The following EXOC6B variants were observed in gnomAD, a reference collection of about 807,000 sequenced individuals.
The protein encoded by EXOC6B is exocyst complex component 6B, also known as SEC15 homolog B.
Under a neutral mutation model 113.5 loss-of-function variants are expected in EXOC6B, and 54 were observed. The ratio of observed to expected loss-of-function variants is 0.48; its 90% confidence interval spans 0.38 to 0.60. The LOEUF is 0.60. Among genes scored for constraint, EXOC6B ranks in the 20% least tolerant of loss-of-function variants. The probability of loss-of-function intolerance (pLI) is 0.00; values close to 1 mark genes in which losing one functional copy is unlikely to be tolerated. For synonymous variants in EXOC6B, 357 were observed against 339.0 expected, an observed-to-expected ratio of 1.05 and a Z score of -0.58; for missense variants, 797 against 977.5, an observed-to-expected ratio of 0.82 and a Z score of 2.46.
chr2:72,349,891 G>A (rs1689549900), intron 19 of EXOC6B, among the ~76,000 whole-genome samples: 1 of 152,130 alleles, frequency 6.6e-6, no homozygotes, highest in African/African-American at 2.4e-5. Context: ...GTCTGAAGTG[G>A]GGCAGTCTTG....
chr2:72,469,840 A>T (rs956055398), intron 17 of EXOC6B, among the ~76,000 whole-genome samples: 4 of 152,130 alleles, frequency 2.6e-5, no homozygotes, highest in Non-Finnish European at 4.4e-5. Flanking sequence ...TTACAGTAGA[A>T]GTGTTCCAGA....
chr2:72,512,159 C>T (rs1700938394), intron 11 of EXOC6B, among the ~76,000 whole-genome samples: 1 of 152,026 alleles, frequency 6.6e-6, no homozygotes, highest in African/African-American at 2.4e-5. Flanking sequence ...ATTCTATTTT[C>T]ATTGTCTGCA....
chr2:72,683,471 A>G (rs1456520912), intron 6 of EXOC6B, among the ~76,000 whole-genome samples: 2 of 152,134 alleles, frequency 1.3e-5, no homozygotes, highest in East Asian at 3.8e-4. Flanking sequence ...GTTCAAGCCC[A>G]TTTTTCCAAA....
In EXOC6B at chr2:72,734,642, G is replaced by T. The variant is rs530461896; in HGVS notation, c.280-1524C>A. On this transcript the variant is annotated intron_variant, in intron 2 of 21. Transcript: ENST00000272427. ...AAAACTTTATTTACACAAACAGGAG[G>T]CAAGCTGGATTTGGCCTAAGAGACA... Among the ~76,000 whole-genome samples, 7 of 152,308 alleles carry T rather than the reference G, an allele frequency of 4.6e-5. No individual in the cohort carries two copies. The East Asian group carries it at 1.4e-3, about 29-fold the overall frequency.
intron 20 of EXOC6B, among the ~76,000 whole-genome samples, chr2:72,261,914 CTTA>C (rs1321261480): frequency 6.6e-6 from 1 of 152,088 alleles, no homozygotes; most frequent in Non-Finnish European, 1.5e-5. Context: ...TAGGTATGGG[CTTA>C]TTATCATAGC....
intron 2 of EXOC6B, 146 bp from the exon 3 acceptor site, chr2:72,733,264 TG>T: frequency 1.5e-6 from 1 of 647,802 alleles, no homozygotes; most frequent in Non-Finnish European, 2.7e-6. Flanking sequence ...GGCATTCTCT[TG>T]GGTTTAAATT....
At chr2:72,181,891 A>T (rs1678111243) in intron 21 of EXOC6B, among the ~76,000 whole-genome samples, 1 of 152,198 alleles carries the variant, frequency 6.6e-6, no homozygotes, top group Non-Finnish European at 1.5e-5. Flanking sequence ...AAAGCCCAAT[A>T]TCCTGTTCTA....
At chr2:72,769,682 C>T (rs1284959425) in intron 1 of EXOC6B, among the ~76,000 whole-genome samples, 1 of 152,044 alleles carries the variant, frequency 6.6e-6, no homozygotes, top group Non-Finnish European at 1.5e-5. Context: ...TGTGGTGACA[C>T]GTGCCTGTAA....
intron 2 of EXOC6B, among the ~76,000 whole-genome samples, chr2:72,734,975 C>T (rs11894152): frequency 0.015 from 2,306 of 152,244 alleles, 75 homozygotes; most frequent in African/African-American, 0.053. Context: ...AGTAAAGTGG[C>T]TCCGTAAAAA....
chr2:72,770,125 A>G (rs2104942192), intron 1 of EXOC6B, among the ~76,000 whole-genome samples: 1 of 152,332 alleles, frequency 6.6e-6, no homozygotes, highest in African/African-American at 2.4e-5. Context: ...CAACTAGATG[A>G]CAGGGAAAAC....
In EXOC6B at chr2:72,468,053, G is replaced by A. The variant is rs543386371; in HGVS notation, c.1801-2714C>T. Among the ~76,000 whole-genome samples the A allele has an allele frequency of 2.5e-3, 376 of 152,292 alleles. 2 individuals are homozygous for A. The highest frequency in any genetic ancestry group is 8.3e-3 in the African/African-American group (344 of 41,572). On this transcript the variant is annotated intron_variant, in intron 17 of 21. Coordinates refer to ENST00000272427, the MANE Select transcript of EXOC6B (RefSeq NM_015189.3). ...CCTAAAGTGCTGGGATTACAGGCGT[G>A]AGCCACCATGCTCTGCCTGTTCTGC...
chr2:72,580,148 T>TC (rs1156949370), intron 6 of EXOC6B, among the ~76,000 whole-genome samples: 3 of 145,094 alleles, frequency 2.1e-5, no homozygotes, highest in Non-Finnish European at 4.6e-5. Flanking sequence ...TTTTTTTTTT[T>TC]TTTTTTTTTT....
intron 7 of EXOC6B, among the ~76,000 whole-genome samples, chr2:72,566,065 T>C (rs1327053522): frequency 6.6e-6 from 1 of 152,122 alleles, no homozygotes; most frequent in Non-Finnish European, 1.5e-5. Context: ...TCACTCTTTC[T>C]AGTAAACAAT....
chr2:72,196,879 AG>A (rs1679207792), intron 20 of EXOC6B, among the ~76,000 whole-genome samples: 1 of 152,204 alleles, frequency 6.6e-6, no homozygotes, highest in African/African-American at 2.4e-5. Context: ...ATAGATAAAA[AG>A]TGTTCACCAG....
intron 8 of EXOC6B, among the ~76,000 whole-genome samples, chr2:72,534,306 T>A (rs1375184384): frequency 1.3e-5 from 2 of 152,108 alleles, no homozygotes; most frequent in African/African-American, 4.8e-5. Context: ...GAGATAGATA[T>A]AGCACTAAAA....
rs778361038 is a variant in EXOC6B, at chr2:72,499,975, A to G, written c.1168-3T>C. On this transcript the variant is annotated splice_region_variant and splice_polypyrimidine_tract_variant and intron_variant, in intron 11 of 21. Transcript: ENST00000272427. ...AGGTTTGGATCAGAACAGTAAGACT[A>G]AAGTAAATAAAAGACAAAGGAGGAA... 3.3e-6 allele frequency: 5 copies of G among 1,524,660 alleles called. No individual in the cohort carries two copies. In the South Asian group the frequency reaches 4.9e-5, roughly 15 times the overall value. The allele number at this position is 1,524,660 out of a possible 1,614,324, so 94.4% of individuals were successfully genotyped here.
chr2:72,532,761 T>A (rs1336170988), intron 8 of EXOC6B, among the ~76,000 whole-genome samples: 4 of 152,048 alleles, frequency 2.6e-5, no homozygotes, highest in African/African-American at 9.7e-5. Context: ...TGAGCCGATA[T>A]TGCGCCACTG....
At chr2:72,390,684 T>C (rs576100431) in intron 18 of EXOC6B, among the ~76,000 whole-genome samples, 1 of 152,220 alleles carries the variant, frequency 6.6e-6, no homozygotes, top group East Asian at 1.9e-4. Context: ...CCAGGACTAA[T>C]GCTGCTTTAG....
intron 16 of EXOC6B, 62 bp downstream of exon 16, chr2:72,492,256 C>G: frequency 1.1e-6 from 1 of 924,986 alleles, no homozygotes; most frequent in Non-Finnish European, 1.7e-6. Context: ...AGACATAAGG[C>G]CCAGAGCTTA....
Sources: gnomAD v4.1 joint callset for allele counts (sites outside exome capture counted in the v4.1 genomes callset) on GRCh38, gnomAD v4.1.1 for gene constraint, MANE v1.5 for transcripts, NCBI Gene and HGNC (gene_info 2026-07-23, HGNC 2026-07-21) for gene names.